The following RBFOX1 variants were observed in gnomAD, a reference collection of about 807,000 sequenced individuals.
RBFOX1 encodes RNA binding protein fox-1 homolog 1.
A neutral mutation model predicts 57.7 loss-of-function variants in RBFOX1; 8 were observed. That is an observed-to-expected ratio of 0.14 (90% CI 0.08 to 0.25). The LOEUF is 0.25. Among genes scored for constraint, RBFOX1 ranks in the 10% least tolerant of loss-of-function variants. The pLI, the probability that RBFOX1 is intolerant of heterozygous loss-of-function variation, is 1.00. For synonymous variants in RBFOX1, 326 were observed against 222.4 expected (o/e 1.47, Z -4.15); for missense variants, 611 against 548.5 (o/e 1.11, Z -1.14).
chr16:7,066,611 G>A (rs553310784), intron 4 of RBFOX1, among the ~76,000 whole-genome samples: 5 of 152,218 alleles, frequency 3.3e-5, no homozygotes, highest in South Asian at 2.1e-4. Flanking sequence ...TAAAGCGGGG[G>A]GTGTTTTTGT....
At chr16:6,849,673 A>C (rs1214007249) in intron 3 of RBFOX1, among the ~76,000 whole-genome samples, 1 of 151,936 alleles carries the variant, frequency 6.6e-6, no homozygotes, top group Non-Finnish European at 1.5e-5. Context: ...CATCTCAAAA[A>C]AACAAAACAA....
intron 3 of RBFOX1, among the ~76,000 whole-genome samples, chr16:6,874,263 A>G (rs114272124): frequency 0.013 from 2,019 of 152,226 alleles, 46 homozygotes; most frequent in African/African-American, 0.045. Flanking sequence ...TAATCCCAGC[A>G]CTTCGGGAGG....
chr16:6,252,690 A>G (rs1374925946), intron 1 of RBFOX1, among the ~76,000 whole-genome samples: 1 of 152,210 alleles, frequency 6.6e-6, no homozygotes, highest in Admixed American at 6.6e-5. Flanking sequence ...GTAGGACAAC[A>G]GTGGCTTTGT....
At chr16:6,834,036 G>C (rs532548905) in intron 3 of RBFOX1, among the ~76,000 whole-genome samples, 2 of 150,894 alleles carry the variant, frequency 1.3e-5, no homozygotes, top group African/African-American at 4.9e-5. Context: ...TTAAAGGTTG[G>C]GGGTACCTGA....
chr16:5,520,415 C>A (rs549526778), intron 2 of RBFOX1, among the ~76,000 whole-genome samples: 2 of 152,284 alleles, frequency 1.3e-5, no homozygotes, highest in East Asian at 3.9e-4. Context: ...GGCTAACTCA[C>A]CCCCTGTCTT....
intron 4 of RBFOX1, among the ~76,000 whole-genome samples, chr16:7,106,690 G>T (rs543514319): frequency 6.6e-6 from 1 of 151,950 alleles, no homozygotes; most frequent in Non-Finnish European, 1.5e-5. Flanking sequence ...TACGATGTGT[G>T]AGCTCCATGC....
chr16:6,886,511 G>GA (rs2064064263), intron 3 of RBFOX1, among the ~76,000 whole-genome samples: 1 of 152,034 alleles, frequency 6.6e-6, no homozygotes, highest in South Asian at 2.1e-4. Flanking sequence ...CCAGCACTTT[G>GA]AGAGGCCAAG....
intron 4 of RBFOX1, among the ~76,000 whole-genome samples, chr16:7,230,710 G>T (rs973787263): frequency 5.9e-5 from 9 of 152,164 alleles, no homozygotes; most frequent in African/African-American, 1.9e-4. Flanking sequence ...AGTTGAAAGT[G>T]ACCTTTAAGG....
intron 2 of RBFOX1, among the ~76,000 whole-genome samples, chr16:6,508,840 T>G (rs1244388798): frequency 6.6e-6 from 1 of 151,172 alleles, no homozygotes; most frequent in Non-Finnish European, 1.5e-5. Flanking sequence ...AAAACTGCGC[T>G]TACTTTTGCA....
At chr16:5,744,491 C>T (rs574710294) in intron 3 of RBFOX1, among the ~76,000 whole-genome samples, 4 of 152,262 alleles carry the variant, frequency 2.6e-5, no homozygotes, top group Admixed American at 6.5e-5. Context: ...ATGGCATCAT[C>T]GGTCATTGTG....
At position 7,417,003 on chromosome 16, in the gene RBFOX1, C is replaced by T. The variant is rs148375492; in HGVS notation, c.28-101144C>T. ...AGCCCTGAGATTCCAGTGTGGGGCT[C>T]GTAAACTTACACTTTGCCTAAATTT... On this transcript the variant is annotated intron_variant, in intron 4 of 15. Transcript: ENST00000550418. Among the ~76,000 whole-genome samples, 17 of 152,180 alleles carry T rather than the reference C, an allele frequency of 1.1e-4. No individual in the cohort carries two copies. The East Asian group carries it at 3.1e-3, about 28-fold the overall frequency.
chr16:6,806,830 A>G (rs1248478225), intron 3 of RBFOX1, among the ~76,000 whole-genome samples: 2 of 76,008 alleles, frequency 2.6e-5, no homozygotes, highest in East Asian at 4.4e-4. Context: ...ATATATATAT[A>G]TATATATTTT....
intron 2 of RBFOX1, among the ~76,000 whole-genome samples, chr16:6,466,837 T>C (rs187259107): frequency 2.2e-4 from 34 of 152,284 alleles, no homozygotes; most frequent in Non-Finnish European, 3.7e-4. Context: ...AATCCTCTCA[T>C]TGATTTCTAG....
chr16:5,292,831 GC>G (rs2151178606), intron 1 of RBFOX1, among the ~76,000 whole-genome samples: 1 of 152,090 alleles, frequency 6.6e-6, no homozygotes, highest in South Asian at 2.1e-4. Context: ...CACCATGTTA[GC>G]CAGGATGGTC....
At chr16:6,018,556 C>T (rs1336806786), upstream of RBFOX1, among the ~76,000 whole-genome samples, 2 of 152,216 alleles carry the variant, frequency 1.3e-5, no homozygotes, top group Non-Finnish European at 2.9e-5. Context: ...CCCAGCTGTG[C>T]GGGGTGGGGG....
chr16:7,104,024 T>C (rs1219440721), intron 4 of RBFOX1, among the ~76,000 whole-genome samples: 1 of 152,188 alleles, frequency 6.6e-6, no homozygotes, highest in Non-Finnish European at 1.5e-5. Flanking sequence ...AAATTTTGTT[T>C]TGTGTTTTTC....
chr16:6,527,909 C>G (rs1482776845), intron 2 of RBFOX1, among the ~76,000 whole-genome samples: 2 of 151,944 alleles, frequency 1.3e-5, no homozygotes, highest in African/African-American at 2.4e-5. Context: ...CGATTCCATG[C>G]TTTATCCACT....
chr16:7,614,698 A>C (rs2058135886), intron 10 of RBFOX1: 1 of 152,194 alleles, frequency 6.6e-6, no homozygotes, highest in African/African-American at 2.4e-5. Flanking sequence ...GGGAAGTTTT[A>C]AGTTACCATT....
At chr16:7,324,240 G>T (rs1295853606) in intron 4 of RBFOX1, among the ~76,000 whole-genome samples, 2 of 152,146 alleles carry the variant, frequency 1.3e-5, no homozygotes, top group Admixed American at 6.5e-5. Context: ...CTTCTAAAGA[G>T]AAAATAATAG....
Sources: gnomAD v4.1 joint callset for allele counts (sites outside exome capture counted in the v4.1 genomes callset) on GRCh38, gnomAD v4.1.1 for gene constraint, MANE v1.5 for transcripts, NCBI Gene and HGNC (gene_info 2026-07-23, HGNC 2026-07-21) for gene names.